Variants in HDDC2 observed in about 807,000 individuals in gnomAD.
The protein encoded by HDDC2 is HD domain containing 2.
HDDC2 carries 25 observed loss-of-function variants against 25.5 expected under a neutral mutation model. The ratio of observed to expected loss-of-function variants is 0.98; its 90% CI spans 0.72 to 1.37. The LOEUF (loss-of-function observed/expected upper bound fraction) is 1.37. Ranked by LOEUF, HDDC2 falls within the 40% of genes most tolerant of loss-of-function variation. The pLI is 0.00. For missense variants in HDDC2, 264 were observed against 253.1 expected (o/e 1.04, Z -0.29); for synonymous variants, 106 against 89.7 (o/e 1.18, Z -1.03).
At chr6:125,280,518 G>A (rs1798441377) in intron 4 of HDDC2, among the ~76,000 whole-genome samples, 1 of 152,228 alleles carries the variant, frequency 6.6e-6, no homozygotes, top group Non-Finnish European at 1.5e-5. Flanking sequence ...GCACAGCAGT[G>A]TGAAGTCAAC....
intron 4 of HDDC2, among the ~76,000 whole-genome samples, chr6:125,290,790 G>A (rs1798619214): frequency 6.6e-6 from 1 of 152,280 alleles, no homozygotes; most frequent in South Asian, 2.1e-4. Flanking sequence ...TTCAACCAAT[G>A]ACATTTATAA....
chr6:125,295,756 G>A (rs1051702215), intron 3 of HDDC2, among the ~76,000 whole-genome samples: 2 of 151,952 alleles, frequency 1.3e-5, no homozygotes, highest in African/African-American at 4.8e-5. Flanking sequence ...GGCATACCAC[G>A]ACTCTGCCCT....
At chr6:125,277,567 C>A (rs1017549404) in intron 4 of HDDC2, 18 of 221,846 alleles carry the variant, frequency 8.1e-5, no homozygotes, top group African/African-American at 3.4e-4. Flanking sequence ...GTTCTTTAAT[C>A]TACCTAAGTA....
chr6:125,298,906 A>T, intron 2 of HDDC2, 90 bp from the exon 3 acceptor site: 1 of 780,964 alleles, frequency 1.3e-6, no homozygotes, highest in Non-Finnish European at 2.0e-6. Context: ...TATAATATAT[A>T]TATTTTTTCT....
Position 125,276,192 on chromosome 6 carries a change from T to C in HDDC2, c.569A>G (p.Glu190Gly). The change falls in exon 6 of 6, where the codon GAA (glutamate) becomes GGA (glycine). Residue 190 changes from glutamate (E) to glycine (G), a missense_variant. Physicochemically the swap from Glu to Gly is moderately conservative, Grantham distance 98. Coordinates refer to ENST00000398153, the MANE Select transcript of HDDC2 (RefSeq NM_016063.3). ...IVQLVSELEAERSTNIAAAAS... is the reference protein window; with the variant it reads ...IVQLVSELEAGRSTNIAAAAS... ...AGCTGCAGCTATGTTAGTGCTTCTT[T>C]CTGCCTCAAGTTCAGAAACAAGCTG... The C allele has an allele frequency of 6.2e-7, 1 of 1,614,240 alleles. No individual in the cohort carries two copies. The highest frequency in any genetic ancestry group is 8.5e-7 in the Non-Finnish European group (1 of 1,180,036).
chr6:125,295,641 G>A (rs184633560), intron 3 of HDDC2, among the ~76,000 whole-genome samples: 289 of 152,216 alleles, frequency 1.9e-3, no homozygotes, highest in Middle Eastern at 0.01. Flanking sequence ...ATAAATGTTT[G>A]CTGTGTTTTT....
At chr6:125,277,386 T>A (rs992131925) in intron 4 of HDDC2, 146 bp from the exon 5 acceptor site, 1 of 683,680 alleles carries the variant, frequency 1.5e-6, no homozygotes, top group African/African-American at 1.8e-5. Context: ...TAGAAATCCA[T>A]CAGAGACACT....
Position 125,276,209 on chromosome 6 carries a change from A to C in HDDC2, c.552T>G (p.Val184=). ...TGCTTCTTTCTGCCTCAAGTTCAGA[A>C]ACAAGCTGGACTATCTCAGGGTGAT... ...KFNHPEIVQL[V]SELEAERSTN... The change falls in exon 6 of 6, where the codon GTT becomes GTG. Residue 184 remains valine (V), a synonymous_variant. Coordinates refer to ENST00000398153, the MANE Select transcript of HDDC2 (RefSeq NM_016063.3). The C allele has an allele frequency of 6.2e-7, 1 of 1,614,170 alleles. No individual in the cohort carries two copies. The highest frequency in any genetic ancestry group is 8.5e-7 in the Non-Finnish European group (1 of 1,179,986).
Position 125,301,899 on chromosome 6 carries a change from G to A in HDDC2, c.34C>T (p.His12Tyr), listed in dbSNP as rs905586039. 7.7e-6 allele frequency: 12 copies of A among 1,551,848 alleles called. No homozygotes were observed. In the African/African-American group the frequency reaches 1.4e-4, roughly 18 times the overall value. Reference protein sequence around the residue: ...ASVSSATFSGHGARSLLQFLR... With the variant: ...ASVSSATFSGYGARSLLQFLR... ...AACTGCAGTAGGGACCGAGCCCCGT[G>A]GCCCGAGAAGGTCGCAGAGGAGACC... Residue 12 changes from histidine to tyrosine, a missense_variant, in exon 1 of 6, where the codon CAC becomes TAC. Coordinates refer to ENST00000398153, the MANE Select transcript of HDDC2 (RefSeq NM_016063.3).
intron 5 of HDDC2, chr6:125,276,793 C>A: frequency 5.8e-6 from 2 of 342,438 alleles, no homozygotes; most frequent in South Asian, 8.8e-5. Context: ...TTGGTAGCAA[C>A]CAAGCTCTAA....
In HDDC2 at chr6:125,301,839, GCC is replaced by G; in HGVS notation, c.84+8_84+9del. 1 of 1,538,514 alleles carries G rather than the reference GCC, an allele frequency of 6.5e-7. No individual in the cohort carries two copies. Among genetic ancestry groups the G allele is most frequent in the Non-Finnish European group, 8.7e-7 (1 of 1,144,148 alleles). On this transcript the variant is annotated splice_region_variant and intron_variant, in intron 1 of 5. Transcript: ENST00000398153. ...CTCGGCCGCGGCCTCCCGGCCTGGT[GCC>G]CGCTCACCTTGAGCTGCCCTACCAG...
chr6:125,281,111 G>A (rs976232573), intron 4 of HDDC2, among the ~76,000 whole-genome samples: 3 of 152,166 alleles, frequency 2.0e-5, no homozygotes, highest in Non-Finnish European at 2.9e-5. Flanking sequence ...TGCAGAAGAG[G>A]GGCCTGACTG....
Position 125,276,166 on chromosome 6 carries a change from C to T in HDDC2, c.595G>A (p.Ala199Thr), listed in dbSNP as rs1798365467. ...GTGTCTCAGGAGTGTGGCTCACTGG[C>T]AGCTGCAGCTATGTTAGTGCTTCTT... is the stretch of plus-strand genomic sequence containing the variant. The part of the protein sequence containing the change: ...AERSTNIAAA[A>T]SEPHS The change falls in exon 6 of 6, where the codon GCC becomes ACC. Residue 199 changes from alanine to threonine, a missense_variant. Transcript: ENST00000398153. The T allele has an allele frequency of 6.2e-7, 1 of 1,613,030 alleles. No homozygotes were observed. Among genetic ancestry groups the T allele is most frequent in the African/African-American group, 1.3e-5 (1 of 74,892 alleles).
chr6:125,300,964 C>G (rs75526901), intron 1 of HDDC2, among the ~76,000 whole-genome samples: 4,965 of 152,174 alleles, frequency 0.033, 247 homozygotes, highest in African/African-American at 0.11. Context: ...AACAAAACTG[C>G]ATTTTTCCGA....
In HDDC2 at chr6:125,301,855, C is replaced by T; in HGVS notation, c.78G>A (p.Gln26=). ...CGGCCTGGTGCCCGCTCACCTTGAG[C>T]TGCCCTACCAGCCGCAGGAACTGCA... ...SLLQFLRLVG[Q]LKRVPRTGWV... The change falls in exon 1 of 6, where the codon CAG becomes CAA. Residue 26 remains glutamine (Q), a synonymous_variant. Transcript: ENST00000398153. The T allele has an allele frequency of 6.5e-7, 1 of 1,544,018 alleles. No individual in the cohort carries two copies. Among genetic ancestry groups the T allele is most frequent in the Non-Finnish European group, 8.7e-7 (1 of 1,146,634 alleles).
intron 1 of HDDC2, among the ~76,000 whole-genome samples, chr6:125,301,221 G>C (rs974809114): frequency 6.6e-6 from 1 of 152,164 alleles, no homozygotes; most frequent in Non-Finnish European, 1.5e-5. Flanking sequence ...AGTAGTCAGA[G>C]TGGCATGAAA....
chr6:125,278,017 C>T (rs1798398372), intron 4 of HDDC2: 1 of 152,196 alleles, frequency 6.6e-6, no homozygotes, highest in African/African-American at 2.4e-5. Flanking sequence ...ATTCATTCTC[C>T]TATTAAGAAC....
chr6:125,277,401 T>C (rs1191129570), intron 4 of HDDC2, 161 bp from the exon 5 acceptor site: 16 of 629,264 alleles, frequency 2.5e-5, no homozygotes, highest in Non-Finnish European at 4.4e-5. Context: ...GACACTTCTG[T>C]AATTTCACAG....
intron 5 of HDDC2, chr6:125,276,809 T>C: frequency 2.6e-6 from 1 of 386,328 alleles, no homozygotes; most frequent in South Asian, 3.5e-5. Flanking sequence ...TCTAAGCTAT[T>C]GTATGTCCAT....
Sources: allele counts gnomAD v4.1 joint callset (sites outside exome capture counted in the v4.1 genomes callset), GRCh38; gene constraint gnomAD v4.1.1; transcripts MANE v1.5; gene names NCBI Gene and HGNC (gene_info 2026-07-23, HGNC 2026-07-21).